SVEP1: variants seen among roughly 807,000 people sequenced by gnomAD.
The protein encoded by SVEP1 is sushi, von Willebrand factor type A, EGF and pentraxin domain-containing protein 1.
Under a neutral mutation model 367.3 loss-of-function variants are expected in SVEP1, and 164 were observed. The observed-to-expected ratio is 0.45, with a 90% CI of 0.39 to 0.51. SVEP1 has a LOEUF of 0.51. Among genes scored for constraint, SVEP1 ranks in the 20% least tolerant of loss-of-function variants. SVEP1 has a pLI of 0.00. For synonymous variants in SVEP1, 1,666 were observed against 1,611.6 expected (o/e 1.03, Z -0.81); for missense variants, 4,117 against 4,425.3 (o/e 0.93, Z 1.98).
At position 110,377,341 on chromosome 9, in the gene SVEP1, A is replaced by G. The variant is rs1278376083; in HGVS notation, c.10434T>C (p.Asn3478=). The G allele has an allele frequency of 1.2e-6, 2 of 1,613,714 alleles. No individual in the cohort carries two copies. The highest frequency in any genetic ancestry group is 1.7e-5 in the Admixed American group (1 of 59,996). The change falls in exon 45 of 48, where the codon AAT becomes AAC. Residue 3478 remains asparagine (N), a synonymous_variant. Coordinates refer to ENST00000374469, the MANE Select transcript of SVEP1 (RefSeq NM_153366.4). The part of the protein sequence containing the change: ...CRAVCRFPCQ[N]GGICQRPNAC... ...CATTTGGGCGTTGGCAGATGCCCCCATTCTGACATGGAAATCGACAGACAG... is the reference window on the plus strand; with the variant it reads ...CATTTGGGCGTTGGCAGATGCCCCCGTTCTGACATGGAAATCGACAGACAG...
intron 1 of SVEP1, among the ~76,000 whole-genome samples, chr9:110,574,831 C>T (rs922372954): frequency 2.0e-5 from 3 of 150,590 alleles, no homozygotes; most frequent in Non-Finnish European, 3.0e-5. Flanking sequence ...CGGCAAGCTC[C>T]GCCTCCCGGG....
intron 12 of SVEP1, among the ~76,000 whole-genome samples, chr9:110,481,028 T>C (rs534995823): frequency 1.3e-5 from 2 of 152,304 alleles, no homozygotes; most frequent in African/African-American, 4.8e-5. Flanking sequence ...TGCCTTAAAC[T>C]GAATCTTGTC....
chr9:110,430,664 A>T (rs1016492399), intron 32 of SVEP1, among the ~76,000 whole-genome samples: 5 of 152,236 alleles, frequency 3.3e-5, no homozygotes, highest in Admixed American at 2.0e-4. Context: ...TGAAACAGCA[A>T]TTCCTAACAA....
At chr9:110,503,829 ATTAACATC>A (rs1829578973) in intron 5 of SVEP1, among the ~76,000 whole-genome samples, 1 of 152,130 alleles carries the variant, frequency 6.6e-6, no homozygotes, top group Non-Finnish European at 1.5e-5. Context: ...TGACTTATGC[ATTAACATC>A]AGTTTATTTT....
In SVEP1 at chr9:110,400,936, G is replaced by A; in HGVS notation, c.9740C>T (p.Pro3247Leu). 6.2e-7 allele frequency: 1 copy of A among 1,613,852 alleles called. No homozygotes were observed. Among genetic ancestry groups the A allele is most frequent in the African/African-American group, 1.3e-5 (1 of 75,020 alleles). Residue 3247 changes from proline to leucine, a missense_variant, in exon 40 of 48, where the codon CCA (proline) becomes CTA (leucine). Pro to Leu is a moderately conservative substitution (Grantham distance 98, BLOSUM62 -3). This residue lies in a region of SVEP1 where 1,765 missense variants were observed against 1,781.1 expected (regional missense o/e 0.99). Transcript: ENST00000374469. ...ACTGCCAACCACAAATCCATGTTCT[G>A]GACTTTCAGGTTTCCCACAAGAAAC... ...SPVSCGKPES[P>L]EHGFVVGSKY... is the part of the protein sequence containing the mutation.
At chr9:110,556,881 A>T (rs10980440) in intron 1 of SVEP1, among the ~76,000 whole-genome samples, 2 of 152,216 alleles carry the variant, frequency 1.3e-5, no homozygotes, top group Non-Finnish European at 2.9e-5. Context: ...TAATACCTAC[A>T]ATGACTATAT....
chr9:110,423,211 A>G (rs894776929), intron 36 of SVEP1, among the ~76,000 whole-genome samples: 6 of 150,294 alleles, frequency 4.0e-5, no homozygotes, highest in African/African-American at 1.5e-4. Flanking sequence ...TTGTCAATGT[A>G]GATTTGTATA....
chr9:110,578,794 C>T (rs1435091877), intron 1 of SVEP1, among the ~76,000 whole-genome samples: 1 of 152,162 alleles, frequency 6.6e-6, no homozygotes, highest in South Asian at 2.1e-4. Flanking sequence ...ATCTAAGGAG[C>T]CTGACATCCC....
intron 3 of SVEP1, among the ~76,000 whole-genome samples, chr9:110,541,842 GA>G (rs1830152222): frequency 7.9e-6 from 1 of 126,720 alleles, no homozygotes; most frequent in South Asian, 2.5e-4. Context: ...TATATACATA[GA>G]TATCTATATA....
chr9:110,469,855 G>A (rs1051097614), intron 16 of SVEP1, among the ~76,000 whole-genome samples: 2 of 152,126 alleles, frequency 1.3e-5, no homozygotes, highest in East Asian at 3.8e-4. Flanking sequence ...GAGAAACACC[G>A]CTCAACGTGA....
chr9:110,526,807 C>T (rs185759370), intron 3 of SVEP1, among the ~76,000 whole-genome samples: 1 of 152,194 alleles, frequency 6.6e-6, no homozygotes, highest in East Asian at 1.9e-4. Context: ...AACAGTTAAA[C>T]TGTGGTACAT....
chr9:110,448,633 A>C (rs187794127), intron 24 of SVEP1, among the ~76,000 whole-genome samples: 8 of 152,314 alleles, frequency 5.3e-5, no homozygotes, highest in Admixed American at 2.0e-4. Flanking sequence ...TCAACAACCT[A>C]TGTTCCTTCT....
rs565799808 is a variant in SVEP1 at position 110,478,457 on chromosome 9, T to C, written c.2487+1178A>G. Among the ~76,000 whole-genome samples, 13 of 152,306 alleles carry C rather than the reference T, an allele frequency of 8.5e-5. 1 individual carries two copies. In the South Asian group the frequency reaches 1.9e-3, roughly 22 times the overall value. ...TTTAACAGCACATCCTATTCCCTTA[T>C]AGCACCTTTAACCTGCTACAATTTA... On this transcript the variant is annotated intron_variant, in intron 13 of 47. Coordinates refer to ENST00000374469, the MANE Select transcript of SVEP1 (RefSeq NM_153366.4).
intron 34 of SVEP1, 113 bp from the exon 35 acceptor site, chr9:110,429,447 T>G: frequency 1.3e-6 from 1 of 758,404 alleles, no homozygotes; most frequent in African/African-American, 1.8e-5. Flanking sequence ...GAAAAGTTGA[T>G]TTTTTTTCCT....
intron 3 of SVEP1, among the ~76,000 whole-genome samples, chr9:110,544,362 C>A (rs1486328304): frequency 2.6e-5 from 4 of 151,766 alleles, no homozygotes; most frequent in African/African-American, 7.3e-5. Flanking sequence ...TACAGTTTTC[C>A]AAAACAGCTA....
At chr9:110,555,468 C>T (rs1359272008) in intron 1 of SVEP1, among the ~76,000 whole-genome samples, 2 of 151,998 alleles carry the variant, frequency 1.3e-5, no homozygotes, top group South Asian at 2.1e-4. Context: ...ATTATGTGCG[C>T]CTTTATTGTC....
At chr9:110,450,327 G>A in intron 23 of SVEP1, 67 bp from the exon 24 acceptor site, 1 of 1,519,268 alleles carries the variant, frequency 6.6e-7, no homozygotes. Context: ...TAACTAAAGT[G>A]TTGACTCCCT....
intron 5 of SVEP1, among the ~76,000 whole-genome samples, chr9:110,504,304 C>T (rs905636789): frequency 6.6e-6 from 1 of 151,976 alleles, no homozygotes; most frequent in East Asian, 1.9e-4. Flanking sequence ...TTGTGATCCG[C>T]CAGCCTCGGC....
chr9:110,376,290 C>T (rs984070), intron 45 of SVEP1, among the ~76,000 whole-genome samples: 28,122 of 131,556 alleles, frequency 0.21, 2,748 homozygotes, highest in Middle Eastern at 0.43. Context: ...CTAAGGCAGC[C>T]AAGCCAGACC....
Sources: gnomAD v4.1 joint callset for allele counts (sites outside exome capture counted in the v4.1 genomes callset) on GRCh38, gnomAD v4.1.1 for gene constraint, gnomAD v4.1.1 regional missense constraint, MANE v1.5 for transcripts, NCBI Gene and HGNC (gene_info 2026-07-23, HGNC 2026-07-21) for gene names.